Variants in HHAT observed in about 807,000 individuals in gnomAD.
HHAT encodes the protein hedgehog acyltransferase, also known as protein-cysteine N-palmitoyltransferase HHAT.
Under a neutral mutation model 70.8 loss-of-function variants are expected in HHAT, and 47 were observed. The ratio of observed to expected loss-of-function variants is 0.66; its 90% CI spans 0.53 to 0.85. The LOEUF is 0.85. Ranked by LOEUF, HHAT falls within the 40% of genes least tolerant of loss-of-function variation. The pLI is 0.00. For missense variants in HHAT, 609 were observed against 604.8 expected (o/e 1.01, Z -0.07); for synonymous variants, 228 against 247.6 (o/e 0.92, Z 0.74).
chr1:210,665,853 T>C (rs1678778633), intron 11 of HHAT, among the ~76,000 whole-genome samples: 1 of 152,340 alleles, frequency 6.6e-6, no homozygotes, highest in Admixed American at 6.5e-5. Context: ...CTATGACAAG[T>C]TATTTACCTT....
At chr1:210,421,990 T>C (rs2092917528) in intron 7 of HHAT, among the ~76,000 whole-genome samples, 1 of 152,186 alleles carries the variant, frequency 6.6e-6, no homozygotes, top group African/African-American at 2.4e-5. Flanking sequence ...ATTTTTACTT[T>C]TTTGGGTCTT....
At chr1:210,500,965 T>A (rs1364474546) in intron 8 of HHAT, among the ~76,000 whole-genome samples, 1 of 152,200 alleles carries the variant, frequency 6.6e-6, no homozygotes, top group African/African-American at 2.4e-5. Context: ...AGCTAGAGCA[T>A]CAGCTCCTCT....
At chr1:210,361,792 C>T (rs1251042420) in intron 2 of HHAT, among the ~76,000 whole-genome samples, 1 of 152,088 alleles carries the variant, frequency 6.6e-6, no homozygotes, top group Non-Finnish European at 1.5e-5. Flanking sequence ...CACCCTTATA[C>T]TGAGAACTTG....
chr1:210,668,683 T>A (rs1032817375), intron 11 of HHAT, among the ~76,000 whole-genome samples: 1 of 152,258 alleles, frequency 6.6e-6, no homozygotes, highest in Non-Finnish European at 1.5e-5. Context: ...AATACAGATA[T>A]GTATGTGGTA....
intron 10 of HHAT, among the ~76,000 whole-genome samples, chr1:210,597,224 G>A (rs765305243): frequency 6.6e-6 from 1 of 152,220 alleles, no homozygotes; most frequent in Non-Finnish European, 1.5e-5. Flanking sequence ...TGGAGGTGGA[G>A]TGACACAAAA....
At chr1:210,422,960 C>T (rs1453285335) in intron 7 of HHAT, among the ~76,000 whole-genome samples, 1 of 152,120 alleles carries the variant, frequency 6.6e-6, no homozygotes, top group Non-Finnish European at 1.5e-5. Flanking sequence ...TTTCTTTATC[C>T]ATTTATCTGT....
At chr1:210,524,244 T>C (rs960011503) in intron 9 of HHAT, among the ~76,000 whole-genome samples, 4 of 152,180 alleles carry the variant, frequency 2.6e-5, no homozygotes, top group Non-Finnish European at 5.9e-5. Flanking sequence ...CATTAAGTGT[T>C]TCTACAATAA....
chr1:210,335,795 A>G (rs1241491684), intron 1 of HHAT, among the ~76,000 whole-genome samples: 2 of 152,234 alleles, frequency 1.3e-5, no homozygotes, highest in African/African-American at 4.8e-5. Flanking sequence ...ATACACCTAA[A>G]TGTGAACGCT....
chr1:210,391,561 ATCAC>A (rs1446635533), intron 4 of HHAT, among the ~76,000 whole-genome samples: 1 of 152,250 alleles, frequency 6.6e-6, no homozygotes, highest in African/African-American at 2.4e-5. Context: ...AAAAGACAAA[ATCAC>A]TCAATAGAAA....
At chr1:210,647,459 A>G (rs547287333) in intron 11 of HHAT, among the ~76,000 whole-genome samples, 12 of 152,286 alleles carry the variant, frequency 7.9e-5, no homozygotes, top group South Asian at 2.1e-4. Flanking sequence ...CAGGATGCCT[A>G]TCTCTCCACT....
intron 10 of HHAT, among the ~76,000 whole-genome samples, chr1:210,616,735 C>T (rs180699670): frequency 2.6e-5 from 4 of 152,264 alleles, no homozygotes; most frequent in South Asian, 4.1e-4. Flanking sequence ...ATTAGAGAAA[C>T]GTATGTGAAT....
intron 8 of HHAT, among the ~76,000 whole-genome samples, chr1:210,475,601 T>A (rs1460296141): frequency 6.6e-6 from 1 of 152,208 alleles, no homozygotes; most frequent in Non-Finnish European, 1.5e-5. Context: ...TTTCATCCTC[T>A]TCTTTCTCTT....
intron 7 of HHAT, among the ~76,000 whole-genome samples, chr1:210,446,916 T>C (rs1349536909): frequency 6.6e-6 from 1 of 152,218 alleles, no homozygotes; most frequent in East Asian, 1.9e-4. Flanking sequence ...CTATGTTCCA[T>C]GGACATAGGA....
At chr1:210,472,930 G>T (rs1275102976) in intron 8 of HHAT, among the ~76,000 whole-genome samples, 1 of 152,290 alleles carries the variant, frequency 6.6e-6, no homozygotes, top group East Asian at 1.9e-4. Context: ...GAATGTCTGG[G>T]TTAAGAGAAG....
rs971149452 is a variant in HHAT at position 210,516,101 on chromosome 1, C to T, written c.1043+2913C>T. On this transcript the variant is annotated intron_variant, in intron 9 of 11. Coordinates refer to ENST00000261458, the MANE Select transcript of HHAT (RefSeq NM_018194.6). ...AAAAGAAAAAAAAAGGTATTTTCTG[C>T]CCCCAGCTTGGGAGGGAAGTCAAAC... Among the ~76,000 whole-genome samples, 27 of 151,852 alleles carry T rather than the reference C, an allele frequency of 1.8e-4. 1 individual carries two copies. The highest frequency in any genetic ancestry group is 5.8e-4 in the East Asian group (3 of 5,172).
At chr1:210,456,340 T>C (rs2093867515) in intron 7 of HHAT, among the ~76,000 whole-genome samples, 1 of 152,166 alleles carries the variant, frequency 6.6e-6, no homozygotes, top group Non-Finnish European at 1.5e-5. Flanking sequence ...GGTTTGGTCT[T>C]ACTTACTCTG....
At chr1:210,425,435 G>A (rs1488452329) in intron 7 of HHAT, among the ~76,000 whole-genome samples, 4 of 152,050 alleles carry the variant, frequency 2.6e-5, no homozygotes, top group African/African-American at 9.7e-5. Context: ...GTCCCAAATG[G>A]TATTGCCTAG....
At chr1:210,534,995 G>A (rs2095355701) in intron 9 of HHAT, among the ~76,000 whole-genome samples, 1 of 152,176 alleles carries the variant, frequency 6.6e-6, no homozygotes, top group Non-Finnish European at 1.5e-5. Context: ...CACTGCTGAA[G>A]TCACTCCTTG....
intron 2 of HHAT, 21 bp from the exon 3 acceptor site, chr1:210,362,831 A>C: frequency 1.2e-6 from 2 of 1,601,824 alleles, no homozygotes; most frequent in East Asian, 2.2e-5. Context: ...TGACTAACGA[A>C]GACTTTTTTT....
Sources: allele counts gnomAD v4.1 joint callset (sites outside exome capture counted in the v4.1 genomes callset), GRCh38; gene constraint gnomAD v4.1.1; transcripts MANE v1.5; gene names NCBI Gene and HGNC (gene_info 2026-07-23, HGNC 2026-07-21).